Variants in DRD3 observed in about 807,000 individuals in gnomAD.
DRD3 encodes dopamine receptor D3.
A neutral mutation model predicts 36.3 loss-of-function variants in DRD3; 19 were observed. The ratio of observed to expected loss-of-function variants is 0.52; its 90% CI spans 0.36 to 0.77. The LOEUF is 0.77. DRD3 is among the 30% of genes least tolerant of loss of function. The probability of loss-of-function intolerance (pLI) is 0.00; values close to 1 mark genes in which losing one functional copy is unlikely to be tolerated. For synonymous variants in DRD3, 195 were observed against 203.7 expected, an observed-to-expected ratio of 0.96 and a Z score of 0.36; for missense variants, 465 against 505.3, an observed-to-expected ratio of 0.92 and a Z score of 0.77.
chr3:114,152,252 C>T (rs1472713019), intron 3 of DRD3, among the ~76,000 whole-genome samples: 2 of 152,136 alleles, frequency 1.3e-5, no homozygotes, highest in Non-Finnish European at 2.9e-5. Context: ...TCTCGAATCC[C>T]CCTCCTTGGG....
chr3:114,153,559 A>G (rs1199869621), intron 3 of DRD3, among the ~76,000 whole-genome samples: 2 of 152,218 alleles, frequency 1.3e-5, no homozygotes, highest in African/African-American at 2.4e-5. Flanking sequence ...AGTTGTTATT[A>G]TCTCCACTAA....
rs553017414 is a variant in DRD3, at chr3:114,168,384, C to A, written c.270+3339G>T. ...AGGAAATGTGATACTTTATTGCCTA[C>A]GTCAGAGCAATTCCCCACCCCTACA... On this transcript the variant is annotated intron_variant, in intron 2 of 6. Coordinates refer to ENST00000383673, the MANE Select transcript of DRD3 (RefSeq NM_000796.6). Among the ~76,000 whole-genome samples, 37 of 152,184 alleles carry A rather than the reference C, an allele frequency of 2.4e-4. 1 individual carries two copies. Among genetic ancestry groups the A allele is most frequent in the Admixed American group, 1.2e-3 (18 of 15,280 alleles).
upstream of DRD3, among the ~76,000 whole-genome samples, chr3:114,183,111 A>G: frequency 6.6e-6 from 1 of 152,170 alleles, no homozygotes; most frequent in East Asian, 1.9e-4. Context: ...ATTCCCATCA[A>G]TAGTGCATGA....
intron 5 of DRD3, 32 bp downstream of exon 5, chr3:114,139,468 T>A: frequency 2.5e-6 from 4 of 1,592,932 alleles, no homozygotes; most frequent in Non-Finnish European, 3.4e-6. Flanking sequence ...GATTGGGTGT[T>A]GTCTTCCCTC....
At chr3:114,132,727 C>A (rs1462543249) in intron 5 of DRD3, among the ~76,000 whole-genome samples, 1 of 152,066 alleles carries the variant, frequency 6.6e-6, no homozygotes, top group Non-Finnish European at 1.5e-5. Context: ...TGACATAAGC[C>A]CCGAAATGTG....
chr3:114,134,496 T>C (rs2077458577), intron 5 of DRD3, among the ~76,000 whole-genome samples: 1 of 152,138 alleles, frequency 6.6e-6, no homozygotes, highest in Admixed American at 6.6e-5. Flanking sequence ...CTCGGCTCAT[T>C]GCAACCTCTG....
At chr3:114,159,510 C>T (rs978309415) in intron 3 of DRD3, among the ~76,000 whole-genome samples, 1 of 152,078 alleles carries the variant, frequency 6.6e-6, no homozygotes, top group African/African-American at 2.4e-5. Context: ...AAAAGCAAAA[C>T]CAGAATCCTC....
rs1248445428 is a variant in DRD3, at chr3:114,171,694, G to A, written c.270+29C>T. 1.9e-6 allele frequency: 3 copies of A among 1,555,920 alleles called. No individual in the cohort carries two copies. In the South Asian group the frequency reaches 3.7e-5, roughly 19 times the overall value. On this transcript the variant is annotated intron_variant, in intron 2 of 6. Coordinates refer to ENST00000383673, the MANE Select transcript of DRD3 (RefSeq NM_000796.6). ...GAAGACAAGTACTAGCACAGTCATA[G>A]AGACAACATGCACCTGAAGTCTACT...
At chr3:114,179,690 T>G (rs1385822728), upstream of DRD3, among the ~76,000 whole-genome samples, 1 of 152,138 alleles carries the variant, frequency 6.6e-6, no homozygotes, top group Non-Finnish European at 1.5e-5. Context: ...CTCTTTTTTT[T>G]CTCCTCTGTT....
intron 3 of DRD3, among the ~76,000 whole-genome samples, chr3:114,152,744 C>T (rs1328814752): frequency 1.3e-5 from 2 of 152,244 alleles, no homozygotes. Flanking sequence ...CCTGCAGGGA[C>T]CCTGCATTCC....
intron 2 of DRD3, among the ~76,000 whole-genome samples, chr3:114,164,951 A>T (rs967656670): frequency 1.3e-5 from 2 of 152,198 alleles, no homozygotes; most frequent in African/African-American, 4.8e-5. Context: ...GGGTTTCACC[A>T]CATTGGCCAG....
At position 114,150,397 on chromosome 3, in the gene DRD3, G is replaced by A. The variant is rs192322103; in HGVS notation, c.384-2840C>T. On this transcript the variant is annotated intron_variant, in intron 3 of 6. Coordinates refer to ENST00000383673, the MANE Select transcript of DRD3 (RefSeq NM_000796.6). The stretch of plus-strand genomic sequence containing the variant: ...TGCAAATCAATTACAATGCCCTCCT[G>A]CATGCAGCTGTCTTGCCTCATGACT... Among the ~76,000 whole-genome samples, 220 of 152,338 alleles carry A rather than the reference G, an allele frequency of 1.4e-3. 1 individual carries two copies. The highest frequency in any genetic ancestry group is 4.5e-3 in the African/African-American group (189 of 41,580).
At chr3:114,149,595 C>A (rs905986482) in intron 3 of DRD3, among the ~76,000 whole-genome samples, 1 of 152,148 alleles carries the variant, frequency 6.6e-6, no homozygotes, top group Admixed American at 6.5e-5. Flanking sequence ...CAATATCACT[C>A]CTGTGATCAG....
intron 3 of DRD3, among the ~76,000 whole-genome samples, chr3:114,148,530 G>A (rs917552981): frequency 4.6e-5 from 7 of 151,838 alleles, no homozygotes; most frequent in Non-Finnish European, 4.4e-5. Context: ...CCAGCTGCCC[G>A]TAGGACTTAG....
At chr3:114,155,090 T>A (rs1000436888) in intron 3 of DRD3, among the ~76,000 whole-genome samples, 2 of 152,220 alleles carry the variant, frequency 1.3e-5, no homozygotes, top group Non-Finnish European at 2.9e-5. Flanking sequence ...TTATTATAGA[T>A]CAGGGCTTCA....
chr3:114,168,565 C>T (rs1040188685), intron 2 of DRD3, among the ~76,000 whole-genome samples: 1 of 152,018 alleles, frequency 6.6e-6, no homozygotes, highest in Non-Finnish European at 1.5e-5. Context: ...TGCTCTCTCT[C>T]TCTCTCTCTC....
intron 5 of DRD3, among the ~76,000 whole-genome samples, chr3:114,139,030 C>T (rs367694794): frequency 7.2e-5 from 11 of 152,202 alleles, no homozygotes; most frequent in African/African-American, 2.4e-4. Flanking sequence ...TTTATCAGCA[C>T]CCTATCCCAC....
At position 114,133,278 on chromosome 3, in the gene DRD3, C is replaced by T. The variant is rs556021969; in HGVS notation, c.724-1878G>A. ...TGCTGGGATTACAGGCGTGAGCCAC[C>T]GTGCCTGGCCAACAGTCTGTATTCT... On this transcript the variant is annotated intron_variant, in intron 5 of 6. Coordinates refer to ENST00000383673, the MANE Select transcript of DRD3 (RefSeq NM_000796.6). Among the ~76,000 whole-genome samples the T allele has an allele frequency of 1.1e-4, 17 of 152,172 alleles. 1 individual carries two copies. The highest frequency in any genetic ancestry group is 7.2e-4 in the Admixed American group (11 of 15,292).
At chr3:114,147,690 T>C in intron 3 of DRD3, 133 bp from the exon 4 acceptor site, 1 of 1,085,218 alleles carries the variant, frequency 9.2e-7, no homozygotes, top group Non-Finnish European at 1.3e-6. Context: ...AGTGGCATGA[T>C]TACTGTTCAC....
Sources: gnomAD v4.1 joint callset for allele counts (sites outside exome capture counted in the v4.1 genomes callset) on GRCh38, gnomAD v4.1.1 for gene constraint, MANE v1.5 for transcripts, NCBI Gene and HGNC (gene_info 2026-07-23, HGNC 2026-07-21) for gene names.